The following CACNA2D4 variants were observed in gnomAD, a reference collection of about 807,000 sequenced individuals.
CACNA2D4 encodes voltage-dependent calcium channel subunit alpha-2/delta-4.
CACNA2D4 carries 157 observed loss-of-function variants against 163.8 expected under a neutral mutation model. That is an observed-to-expected ratio of 0.96 (90% confidence interval 0.84 to 1.09). The LOEUF (loss-of-function observed/expected upper bound fraction) is 1.09, where lower values mean the gene tolerates loss of function less well. Among genes scored for constraint, CACNA2D4 ranks in the 50% least tolerant of loss-of-function variants. The pLI is 0.00. For missense variants in CACNA2D4, 1,410 were observed against 1,479.9 expected (o/e 0.95, Z 0.78); for synonymous variants, 598 against 586.9 (o/e 1.02, Z -0.27).
intron 6 of CACNA2D4, among the ~76,000 whole-genome samples, chr12:1,904,329 G>A (rs549220099): frequency 7.2e-5 from 11 of 152,018 alleles, no homozygotes; most frequent in African/African-American, 2.4e-4. Context: ...ACTATAGTTA[G>A]TAATAATTTA....
chr12:1,854,670 T>C (rs965492092), intron 22 of CACNA2D4, among the ~76,000 whole-genome samples: 3 of 152,174 alleles, frequency 2.0e-5, no homozygotes, highest in Non-Finnish European at 4.4e-5. Flanking sequence ...CCTCCTAAAG[T>C]GCTGGCATTA....
intron 18 of CACNA2D4, among the ~76,000 whole-genome samples, chr12:1,865,281 G>A (rs1229298085): frequency 6.6e-6 from 1 of 152,238 alleles, no homozygotes; most frequent in Non-Finnish European, 1.5e-5. Context: ...GCGGACCTGG[G>A]GGCCTTGATA....
Position 1,900,623 on chromosome 12 carries a change from G to C in CACNA2D4, c.781+6817C>G, listed in dbSNP as rs2154451054. 2.0e-5 allele frequency among the ~76,000 whole-genome samples: 3 copies of C among 152,232 alleles called. 1 individual carries two copies. The Middle Eastern group carries it at 0.01, about 518-fold the overall frequency. ...CATTCCTTGAATGTCATTAGATAAT[G>C]ATAAACAGGTCAATTCAGCAAGAGG... On this transcript the variant is annotated intron_variant, in intron 6 of 37. Coordinates refer to ENST00000382722, the MANE Select transcript of CACNA2D4 (RefSeq NM_172364.5).
At chr12:1,872,442 AAC>A (rs1311785361) in intron 18 of CACNA2D4, among the ~76,000 whole-genome samples, 9 of 152,204 alleles carry the variant, frequency 5.9e-5, no homozygotes, top group African/African-American at 2.2e-4. Context: ...CTCGAACAGT[AAC>A]AGTTATTCCC....
At chr12:1,838,935 G>T (rs1196131084) in intron 26 of CACNA2D4, among the ~76,000 whole-genome samples, 1 of 152,186 alleles carries the variant, frequency 6.6e-6, no homozygotes, top group East Asian at 1.9e-4. Context: ...GCAGCCAGGC[G>T]GGCACAAATC....
Position 1,860,132 on chromosome 12 carries a change from C to A in CACNA2D4, c.1940+13G>T, listed in dbSNP as rs1231133638. ...AACCCTCACCCCGTGCAAATAAAGC[C>A]TGTGTCCCTCACCTGAAAGGGGTGT... On this transcript the variant is annotated intron_variant, in intron 19 of 37. Coordinates refer to ENST00000382722, the MANE Select transcript of CACNA2D4 (RefSeq NM_172364.5). 1 of 1,608,972 alleles carries A rather than the reference C, an allele frequency of 6.2e-7. No homozygotes were observed.
At chr12:1,852,478 T>A (rs1265715141) in intron 23 of CACNA2D4, among the ~76,000 whole-genome samples, 1 of 152,188 alleles carries the variant, frequency 6.6e-6, no homozygotes, top group Non-Finnish European at 1.5e-5. Context: ...AAGACCAGCC[T>A]GAGCAACATA....
chr12:1,896,631 AC>A (rs1363220878), intron 6 of CACNA2D4, among the ~76,000 whole-genome samples: 8 of 143,010 alleles, frequency 5.6e-5, no homozygotes, highest in East Asian at 1.9e-4. Flanking sequence ...ACACACACAC[AC>A]ACACACACAC....
At chr12:1,893,218 A>G (rs897093200) in intron 6 of CACNA2D4, among the ~76,000 whole-genome samples, 2 of 152,202 alleles carry the variant, frequency 1.3e-5, no homozygotes, top group Non-Finnish European at 2.9e-5. Flanking sequence ...AACATTCTCC[A>G]GGACAGATCA....
At chr12:1,907,732 G>C (rs1240223400) in intron 5 of CACNA2D4, 143 bp downstream of exon 5, 4 of 1,198,212 alleles carry the variant, frequency 3.3e-6, no homozygotes, top group South Asian at 1.4e-5. Flanking sequence ...CCTGGTGGGC[G>C]TGCCTGGTGG....
At chr12:1,797,626 A>T in intron 34 of CACNA2D4, 91 bp from the exon 35 acceptor site, 4 of 918,584 alleles carry the variant, frequency 4.4e-6, no homozygotes, top group Non-Finnish European at 3.4e-6. Flanking sequence ...AGTTCACCCC[A>T]GTGCATTTGC....
chr12:1,837,308 C>CAGG (rs1214770708), intron 26 of CACNA2D4, among the ~76,000 whole-genome samples: 1 of 152,160 alleles, frequency 6.6e-6, no homozygotes, highest in Non-Finnish European at 1.5e-5. Context: ...GGCTGCTGGC[C>CAGG]AGGAGGAGGA....
In CACNA2D4 at chr12:1,820,649, G is replaced by A. The variant is rs1421075290; in HGVS notation, c.2552-8926C>T. 1 of 152,416 alleles carries A rather than the reference G, an allele frequency of 6.6e-6. No homozygotes were observed. The highest frequency in any genetic ancestry group is 6.5e-5 in the Admixed American group (1 of 15,284). 9.4% of individuals were successfully genotyped at this position (152,416 alleles called of 1,614,324 possible). ...CAAGCAGTCCACCTCCTGGTGCTGT[G>A]TGCTGCGTGCCAGCCGCTGCTCCCG... is the stretch of plus-strand genomic sequence containing the variant. On this transcript the variant is annotated intron_variant, in intron 26 of 37. Transcript: ENST00000382722. This position sits in a 1 kb window ranked among gnomAD's most constrained non-coding sequence, Gnocchi z 6.0.
At chr12:1,837,401 C>T (rs974881047) in intron 26 of CACNA2D4, among the ~76,000 whole-genome samples, 1 of 152,030 alleles carries the variant, frequency 6.6e-6, no homozygotes, top group Non-Finnish European at 1.5e-5. Context: ...AGCAGGTGGG[C>T]CCCGGAATTA....
At chr12:1,816,893 C>T (rs537902208) in intron 26 of CACNA2D4, among the ~76,000 whole-genome samples, 23 of 152,218 alleles carry the variant, frequency 1.5e-4, no homozygotes, top group Non-Finnish European at 2.4e-4. Flanking sequence ...TGCATATACA[C>T]GTGCACCATG....
At chr12:1,880,217 G>A (rs995715360) in intron 13 of CACNA2D4, among the ~76,000 whole-genome samples, 1 of 152,190 alleles carries the variant, frequency 6.6e-6, no homozygotes, top group African/African-American at 2.4e-5. Flanking sequence ...CAGGAAACAG[G>A]CCCATCTGCG....
chr12:1,822,379 T>C (rs1864140155), intron 26 of CACNA2D4, among the ~76,000 whole-genome samples: 2 of 152,068 alleles, frequency 1.3e-5, no homozygotes, highest in Admixed American at 6.5e-5. Flanking sequence ...GGAGCCAGCA[T>C]AGAGGCTGTC....
At chr12:1,835,511 G>GTCT (rs1864821105) in intron 26 of CACNA2D4, 1 of 152,550 alleles carries the variant, frequency 6.6e-6, no homozygotes, top group Non-Finnish European at 1.5e-5. Context: ...TTCCCCAGGG[G>GTCT]TCTCCCTGAG....
intron 35 of CACNA2D4, among the ~76,000 whole-genome samples, chr12:1,796,364 T>A (rs1486542691): frequency 6.6e-6 from 1 of 152,208 alleles, no homozygotes; most frequent in Non-Finnish European, 1.5e-5. Context: ...CACAGCCGTG[T>A]ATACTCTCAG....
Sources: gnomAD v4.1 joint callset for allele counts (sites outside exome capture counted in the v4.1 genomes callset) on GRCh38, gnomAD v4.1.1 for gene constraint, Gnocchi (gnomAD v3.1) non-coding constraint, MANE v1.5 for transcripts, NCBI Gene and HGNC (gene_info 2026-07-23, HGNC 2026-07-21) for gene names.